MET: variants seen among roughly 807,000 people sequenced by gnomAD.
MET encodes MET proto-oncogene, receptor tyrosine kinase, also known as hepatocyte growth factor receptor.
MET carries 48 observed loss-of-function variants against 133.1 expected under a neutral mutation model. The ratio of observed to expected loss-of-function variants is 0.36; its 90% CI spans 0.29 to 0.46. The LOEUF (loss-of-function observed/expected upper bound fraction) is 0.46. Ranked by LOEUF, MET falls within the 20% of genes least tolerant of loss-of-function variation. The pLI is 1.00. For missense variants in MET, 1,442 were observed against 1,695.9 expected (o/e 0.85, Z 2.63); for synonymous variants, 628 against 616.5 (o/e 1.02, Z -0.28).
At chr7:116,758,344 C>A in intron 8 of MET, 115 bp from the exon 9 acceptor site, 2 of 1,097,782 alleles carry the variant, frequency 1.8e-6, no homozygotes, top group Non-Finnish European at 2.7e-6. Flanking sequence ...GGCTTCCACT[C>A]AGGAAATTCC....
At chr7:116,717,248 T>C (rs528019768) in intron 2 of MET, among the ~76,000 whole-genome samples, 1 of 152,298 alleles carries the variant, frequency 6.6e-6, no homozygotes, top group South Asian at 2.1e-4. Context: ...TTACAGACAA[T>C]TCTGAATTCA....
intron 14 of MET, 132 bp downstream of exon 14, chr7:116,772,121 A>G (rs2117000205): frequency 1.0e-6 from 1 of 966,840 alleles, no homozygotes; most frequent in Non-Finnish European, 1.5e-6. Flanking sequence ...TCTGCCAAGT[A>G]AGTATTTGAC....
chr7:116,716,481 G>GAAAGAAAGAAAGA (rs1792227176), intron 2 of MET, among the ~76,000 whole-genome samples: 3 of 123,446 alleles, frequency 2.4e-5, no homozygotes, highest in African/African-American at 1.0e-4. Context: ...AAGAAAGAAA[G>GAAAGAAAGAAAGA]AAAGAAAGAA....
chr7:116,794,799 G>A (rs973866345), intron 19 of MET, among the ~76,000 whole-genome samples: 2 of 152,178 alleles, frequency 1.3e-5, no homozygotes, highest in Admixed American at 6.5e-5. Context: ...GACTCTCCTC[G>A]TGTCATTCTT....
chr7:116,729,786 A>T (rs1403246310), intron 2 of MET, among the ~76,000 whole-genome samples: 1 of 152,156 alleles, frequency 6.6e-6, no homozygotes, highest in Non-Finnish European at 1.5e-5. Flanking sequence ...TAACTTCCCC[A>T]ATTTCTGGAA....
chr7:116,772,060 T>A (rs2116999284), intron 14 of MET, 71 bp downstream of exon 14: 1 of 1,566,352 alleles, frequency 6.4e-7, no homozygotes, highest in Non-Finnish European at 8.7e-7. Flanking sequence ...TTGTTGTTTA[T>A]TTTTGGTTTT....
intron 2 of MET, among the ~76,000 whole-genome samples, chr7:116,722,247 G>T (rs1290981278): frequency 7.3e-5 from 11 of 150,314 alleles, no homozygotes; most frequent in Admixed American, 3.3e-4. Context: ...TAATGGCCTT[G>T]TCTCTTTTGA....
chr7:116,746,306 A>G (rs1793682004), intron 5 of MET, among the ~76,000 whole-genome samples: 1 of 152,240 alleles, frequency 6.6e-6, no homozygotes, highest in Non-Finnish European at 1.5e-5. Flanking sequence ...ATGTGGAGAA[A>G]TAGGAACACT....
chr7:116,687,288 G>T (rs1796596435), intron 1 of MET, among the ~76,000 whole-genome samples: 1 of 152,184 alleles, frequency 6.6e-6, no homozygotes, highest in African/African-American at 2.4e-5. Flanking sequence ...ATTTTTCAAG[G>T]ATCCAGAGTG....
At chr7:116,693,524 G>A (rs1562879629) in intron 1 of MET, among the ~76,000 whole-genome samples, 2 of 152,136 alleles carry the variant, frequency 1.3e-5, no homozygotes, top group Non-Finnish European at 2.9e-5. Flanking sequence ...ATAATTAGCT[G>A]CACTGCCACA....
At chr7:116,766,943 A>T (rs776086522) in intron 11 of MET, among the ~76,000 whole-genome samples, 1 of 152,142 alleles carries the variant, frequency 6.6e-6, no homozygotes, top group Non-Finnish European at 1.5e-5. Flanking sequence ...GGTGGAACTC[A>T]GTTCTGAAGC....
chr7:116,701,591 G>C (rs781308852), intron 2 of MET, among the ~76,000 whole-genome samples: 1 of 152,050 alleles, frequency 6.6e-6, no homozygotes, highest in Non-Finnish European at 1.5e-5. Context: ...CAAAGTCTAT[G>C]AATATACATA....
chr7:116,721,055 G>A (rs1480850996), intron 2 of MET, among the ~76,000 whole-genome samples: 1 of 152,072 alleles, frequency 6.6e-6, no homozygotes, highest in African/African-American at 2.4e-5. Flanking sequence ...AGTTTCAGAA[G>A]GAATGGTACC....
intron 5 of MET, among the ~76,000 whole-genome samples, chr7:116,742,941 G>T (rs568387876): frequency 1.3e-5 from 2 of 152,350 alleles, no homozygotes; most frequent in Admixed American, 1.3e-4. Context: ...CGAGGTGGGT[G>T]TTAAGATGGC....
intron 15 of MET, among the ~76,000 whole-genome samples, chr7:116,775,989 G>T (rs1420201065): frequency 6.6e-6 from 1 of 151,424 alleles, no homozygotes; most frequent in Non-Finnish European, 1.5e-5. Context: ...ATAACAGCTA[G>T]CATAAACAGT....
chr7:116,774,644 A>T (rs946984191), intron 14 of MET, among the ~76,000 whole-genome samples: 1 of 152,220 alleles, frequency 6.6e-6, no homozygotes, highest in Admixed American at 6.5e-5. Context: ...TTTGCTATTG[A>T]TAAAGAGAGA....
At chr7:116,791,687 C>T (rs376195363) in intron 19 of MET, among the ~76,000 whole-genome samples, 18 of 151,878 alleles carry the variant, frequency 1.2e-4, no homozygotes, top group Middle Eastern at 3.4e-3. Context: ...TCTTTTGGGA[C>T]GAAGTCTCAC....
At chr7:116,757,861 T>C in intron 8 of MET, 87 bp downstream of exon 8, 1 of 1,436,174 alleles carries the variant, frequency 7.0e-7, no homozygotes, top group Non-Finnish European at 9.8e-7. Context: ...TGTGTGTGTG[T>C]GTGGAGAAGA....
At chr7:116,777,310 A>G in intron 15 of MET, 79 bp from the exon 16 acceptor site, 1 of 1,167,226 alleles carries the variant, frequency 8.6e-7, no homozygotes. Flanking sequence ...AATAAAATGA[A>G]GCTCATAAAG....
Sources: allele counts gnomAD v4.1 joint callset (sites outside exome capture counted in the v4.1 genomes callset), GRCh38; gene constraint gnomAD v4.1.1; transcripts MANE v1.5; gene names NCBI Gene and HGNC (gene_info 2026-07-23, HGNC 2026-07-21).